Variants in CBFA2T3 observed in about 807,000 individuals in gnomAD.
CBFA2T3 encodes CBFA2/RUNX1 partner transcriptional co-repressor 3.
A neutral mutation model predicts 58.6 loss-of-function variants in CBFA2T3; 31 were observed. The ratio of observed to expected loss-of-function variants is 0.53; its 90% CI spans 0.40 to 0.71. The LOEUF (loss-of-function observed/expected upper bound fraction) is 0.71, where lower values mean the gene tolerates loss of function less well. Among genes scored for constraint, CBFA2T3 ranks in the 30% least tolerant of loss-of-function variants. The probability of loss-of-function intolerance (pLI) is 0.00; values close to 1 mark genes in which losing one functional copy is unlikely to be tolerated. For synonymous variants in CBFA2T3, 531 were observed against 421.9 expected (o/e 1.26, Z -3.17); for missense variants, 1,076 against 963.1 (o/e 1.12, Z -1.55).
At chr16:88,925,369 C>A (rs78333039) in intron 1 of CBFA2T3, among the ~76,000 whole-genome samples, 3 of 152,302 alleles carry the variant, frequency 2.0e-5, no homozygotes, top group East Asian at 3.9e-4. Context: ...ATCCACCAGG[C>A]GCTCTCATGC....
At chr16:88,880,222 G>GCCCAAC (rs2142531204) in intron 10 of CBFA2T3, among the ~76,000 whole-genome samples, 2 of 152,222 alleles carry the variant, frequency 1.3e-5, no homozygotes, top group South Asian at 4.1e-4. Flanking sequence ...CGGTACCGCT[G>GCCCAAC]CCCAACCCTA....
intron 1 of CBFA2T3, among the ~76,000 whole-genome samples, chr16:88,905,670 TG>T (rs1970286379): frequency 1.5e-5 from 1 of 66,354 alleles, no homozygotes; most frequent in African/African-American, 5.5e-5. Flanking sequence ...TGAGGGGAGG[TG>T]GGGCTGAAGG....
At chr16:88,881,606 C>CA (rs1969084883) in intron 8 of CBFA2T3, 117 bp from the exon 9 acceptor site, 6 of 1,055,774 alleles carry the variant, frequency 5.7e-6, no homozygotes, top group Non-Finnish European at 5.4e-6. Flanking sequence ...GCCCACCGCC[C>CA]GTGAGAGTAA....
chr16:88,907,360 C>T (rs1970373110), intron 1 of CBFA2T3, among the ~76,000 whole-genome samples: 1 of 152,162 alleles, frequency 6.6e-6, no homozygotes, highest in Non-Finnish European at 1.5e-5. Context: ...GCACTGAGGT[C>T]CTCCTGCTGG....
intron 1 of CBFA2T3, among the ~76,000 whole-genome samples, chr16:88,973,526 G>A (rs761361537): frequency 2.0e-5 from 3 of 152,174 alleles, no homozygotes; most frequent in Admixed American, 1.3e-4. Flanking sequence ...AGAAACACCC[G>A]GGGAGGGCAA....
chr16:88,952,009 C>T (rs1158893686), intron 1 of CBFA2T3, among the ~76,000 whole-genome samples: 1 of 152,212 alleles, frequency 6.6e-6, no homozygotes, highest in Non-Finnish European at 1.5e-5. Flanking sequence ...AGACCCTTGG[C>T]CCAGGACCCC....
chr16:88,976,596 G>T lies in CBFA2T3; in HGVS notation c.151+61C>A. ...CCCCGCGAAGCTCTAAGGAGTCACA[G>T]CCCCGGCACCGGCTGCCGCTCTCTG... On this transcript the variant is annotated intron_variant, in intron 1 of 11. Transcript: ENST00000268679. The T allele has an allele frequency of 1.5e-6, 2 of 1,320,036 alleles. No individual in the cohort carries two copies. The highest frequency in any genetic ancestry group is 1.5e-5 in the African/African-American group (1 of 68,674). The allele number at this position is 1,320,036 out of a possible 1,614,324, so 81.8% of individuals were successfully genotyped here. A position where few individuals can be genotyped will look rare whatever the true frequency, so the allele number is the denominator to read the frequency against.
chr16:88,932,192 C>T (rs1971333118), intron 1 of CBFA2T3, among the ~76,000 whole-genome samples: 2 of 129,216 alleles, frequency 1.5e-5, no homozygotes, highest in South Asian at 5.8e-4. Context: ...CTCACACGGC[C>T]CCCGCTTCCC....
At chr16:88,972,776 G>GC (rs1298386914) in intron 1 of CBFA2T3, among the ~76,000 whole-genome samples, 5 of 152,186 alleles carry the variant, frequency 3.3e-5, no homozygotes, top group South Asian at 2.1e-4. Context: ...CCGACATGGA[G>GC]CCCCCCAACA....
Position 88,892,052 on chromosome 16 carries a change from G to A in CBFA2T3, c.622-81C>T, listed in dbSNP as rs908972241. ...CGACCCACCCATGCCTGAGGAGGAG[G>A]CTTCCGTGTTGGAGGCAGGCAGGCA... On this transcript the variant is annotated intron_variant, in intron 4 of 11. Transcript: ENST00000268679. 8 of 1,401,222 alleles carry A rather than the reference G, an allele frequency of 5.7e-6. No individual in the cohort carries two copies. The African/African-American group carries it at 1.1e-4, about 20-fold the overall frequency. The allele number at this position is 1,401,222 out of a possible 1,614,324, so 86.8% of individuals were successfully genotyped here.
chr16:88,877,493 C>G (rs1968884740), intron 11 of CBFA2T3, among the ~76,000 whole-genome samples: 1 of 152,228 alleles, frequency 6.6e-6, no homozygotes, highest in Non-Finnish European at 1.5e-5. Context: ...CTCCAGCCCA[C>G]CCAGATAGGT....
intron 1 of CBFA2T3, among the ~76,000 whole-genome samples, chr16:88,946,318 G>GA (rs944972490): frequency 1.4e-4 from 20 of 144,784 alleles, no homozygotes; most frequent in South Asian, 6.5e-4. Context: ...ATCTCAAAAA[G>GA]AAAAAAAAAA....
At chr16:88,928,708 C>T (rs1043230592) in intron 1 of CBFA2T3, among the ~76,000 whole-genome samples, 7 of 152,312 alleles carry the variant, frequency 4.6e-5, no homozygotes, top group South Asian at 2.1e-4. Context: ...TCCTGCCCCA[C>T]GGAGCTGACC....
At chr16:88,888,288 G>A (rs987574054) in intron 5 of CBFA2T3, among the ~76,000 whole-genome samples, 4 of 149,558 alleles carry the variant, frequency 2.7e-5, no homozygotes, top group Non-Finnish European at 4.4e-5. Context: ...TGGGCCTGGC[G>A]GGCTGTGGAT....
At chr16:88,894,172 C>T (rs1158546895) in intron 3 of CBFA2T3, among the ~76,000 whole-genome samples, 1 of 151,088 alleles carries the variant, frequency 6.6e-6, no homozygotes, top group South Asian at 2.1e-4. Flanking sequence ...CACATGCACA[C>T]ACACATGCAT....
intron 7 of CBFA2T3, 92 bp from the exon 8 acceptor site, chr16:88,882,853 C>A: frequency 1.1e-6 from 1 of 888,582 alleles, no homozygotes; most frequent in Non-Finnish European, 1.8e-6. Flanking sequence ...CAGGCCCCAC[C>A]CGTGGGCTGT....
chr16:88,960,739 A>G (rs1050872703), intron 1 of CBFA2T3, among the ~76,000 whole-genome samples: 1 of 151,852 alleles, frequency 6.6e-6, no homozygotes, highest in African/African-American at 2.4e-5. Flanking sequence ...GGCCTGGGCC[A>G]CCCGCCTCTG....
At chr16:88,920,139 G>A (rs1006609437) in intron 1 of CBFA2T3, among the ~76,000 whole-genome samples, 12 of 152,230 alleles carry the variant, frequency 7.9e-5, no homozygotes, top group African/African-American at 2.9e-4. Flanking sequence ...TCCCACACCA[G>A]GGACTCGCAA....
intron 1 of CBFA2T3, among the ~76,000 whole-genome samples, chr16:88,914,975 G>A (rs1970644819): frequency 6.6e-6 from 1 of 151,770 alleles, no homozygotes; most frequent in Admixed American, 6.5e-5. Flanking sequence ...CTGCCGGGGC[G>A]GGGTGGGGGT....
Sources: gnomAD v4.1 joint callset for allele counts (sites outside exome capture counted in the v4.1 genomes callset) on GRCh38, gnomAD v4.1.1 for gene constraint, MANE v1.5 for transcripts, NCBI Gene and HGNC (gene_info 2026-07-23, HGNC 2026-07-21) for gene names.